Variants in SEMA6D observed in about 807,000 individuals in gnomAD.
SEMA6D encodes semaphorin 6D, also known as semaphorin-6D.
SEMA6D carries 35 observed loss-of-function variants against 106.6 expected under a neutral mutation model. That is an observed-to-expected ratio of 0.33 (90% CI 0.25 to 0.44). The LOEUF is 0.44. Among genes scored for constraint, SEMA6D ranks in the 20% least tolerant of loss-of-function variants. The probability of loss-of-function intolerance (pLI) is 1.00; values close to 1 mark genes in which losing one functional copy is unlikely to be tolerated. For synonymous variants in SEMA6D, 499 were observed against 487.7 expected (o/e 1.02, Z -0.31); for missense variants, 1,185 against 1,345.9 (o/e 0.88, Z 1.87).
rs1567031280 is a variant in SEMA6D at position 47,367,722 on chromosome 15, AC to A, written c.-238-44670del. Among the ~76,000 whole-genome samples the A allele has an allele frequency of 6.2e-3, 206 of 33,096 alleles. 1 individual carries two copies. Among genetic ancestry groups the A allele is most frequent in the Middle Eastern group, 0.061 (4 of 66 alleles). 21.7% of individuals were successfully genotyped at this position (33,096 alleles called of 152,430 possible). On this transcript the variant is annotated intron_variant, in intron 1 of 19. Transcript: ENST00000558014. The stretch of plus-strand genomic sequence containing the variant: ...CACACACACACACACACACACACAC[AC>A]ACACAGAGAGAGAGAAAGAGAGAGA...
At chr15:47,582,330 T>A (rs538227261) in intron 3 of SEMA6D, among the ~76,000 whole-genome samples, 3 of 152,160 alleles carry the variant, frequency 2.0e-5, no homozygotes, top group Non-Finnish European at 4.4e-5. Flanking sequence ...ACACCATGAG[T>A]CCCACAACTG....
intron 4 of SEMA6D, among the ~76,000 whole-genome samples, chr15:47,671,265 G>C (rs1280398992): frequency 1.3e-5 from 2 of 152,144 alleles, no homozygotes; most frequent in African/African-American, 4.8e-5. Flanking sequence ...GGGTTTCCAA[G>C]AGAGCTGTCA....
chr15:47,448,685 G>C (rs2042098983), intron 2 of SEMA6D, among the ~76,000 whole-genome samples: 1 of 152,096 alleles, frequency 6.6e-6, no homozygotes, highest in African/African-American at 2.4e-5. Flanking sequence ...AATCAAATGG[G>C]GTTGAAGTAA....
At chr15:47,647,270 G>A (rs1020405348) in intron 4 of SEMA6D, among the ~76,000 whole-genome samples, 3 of 152,268 alleles carry the variant, frequency 2.0e-5, no homozygotes, top group East Asian at 1.9e-4. Context: ...ATTTAATAGC[G>A]TGTCAACAAG....
chr15:47,288,072 A>G (rs2035448144), intron 1 of SEMA6D, among the ~76,000 whole-genome samples: 1 of 152,174 alleles, frequency 6.6e-6, no homozygotes, highest in Non-Finnish European at 1.5e-5. Flanking sequence ...TCAGAGGGAG[A>G]GTTCAGTTTA....
rs142546206 is a variant in SEMA6D at position 47,559,770 on chromosome 15, C to T, written c.-86-41095C>T. On this transcript the variant is annotated intron_variant, in intron 3 of 19. Transcript: ENST00000558014. Reference sequence around the variant, plus strand: ...GGTCAATGGAGAATGCACACATTCTCAGAGGCAATAGAAGACAGCCTGGAA... The same window carrying T: ...GGTCAATGGAGAATGCACACATTCTTAGAGGCAATAGAAGACAGCCTGGAA... Among the ~76,000 whole-genome samples the T allele has an allele frequency of 1.7e-3, 261 of 152,166 alleles. 2 individuals carry two copies. Among genetic ancestry groups the T allele is most frequent in the South Asian group, 5.2e-3 (25 of 4,816 alleles).
chr15:47,360,301 G>A (rs545881065), intron 1 of SEMA6D, among the ~76,000 whole-genome samples: 2 of 152,290 alleles, frequency 1.3e-5, no homozygotes, highest in South Asian at 4.1e-4. Context: ...AGTGAATGTT[G>A]AGCCTGCATA....
At chr15:47,362,046 A>C (rs371195655) in intron 1 of SEMA6D, among the ~76,000 whole-genome samples, 1 of 152,356 alleles carries the variant, frequency 6.6e-6, no homozygotes, top group Non-Finnish European at 1.5e-5. Context: ...ATTACAAAAC[A>C]TTGATTTCTG....
chr15:47,307,436 C>G (rs145313152), intron 1 of SEMA6D, among the ~76,000 whole-genome samples: 1 of 152,258 alleles, frequency 6.6e-6, no homozygotes, highest in East Asian at 1.9e-4. Flanking sequence ...GGTGGTAATT[C>G]TCAGATTTTT....
At chr15:47,199,919 A>G (rs578055081) in intron 1 of SEMA6D, among the ~76,000 whole-genome samples, 81 of 152,268 alleles carry the variant, frequency 5.3e-4, no homozygotes, top group African/African-American at 1.8e-3. Flanking sequence ...AGTTCTCATT[A>G]TGAAAGTTAC....
At chr15:47,755,772 C>T (rs1187884980) in intron 1 of SEMA6D, among the ~76,000 whole-genome samples, 1 of 151,088 alleles carries the variant, frequency 6.6e-6, no homozygotes, top group East Asian at 1.9e-4. Flanking sequence ...TATAGCTATA[C>T]TCTCATTTTT....
intron 1 of SEMA6D, among the ~76,000 whole-genome samples, chr15:47,727,097 GGACTAAACAT>G (rs1426993721): frequency 1.3e-5 from 2 of 152,150 alleles, no homozygotes; most frequent in Non-Finnish European, 2.9e-5. Flanking sequence ...TACTGTTGAA[GGACTAAACAT>G]GGATAATTAG....
intron 4 of SEMA6D, among the ~76,000 whole-genome samples, chr15:47,658,385 G>A (rs2077847275): frequency 6.6e-6 from 1 of 152,010 alleles, no homozygotes; most frequent in African/African-American, 2.4e-5. Context: ...TATGGTAAGG[G>A]ATTTTTCAGC....
intron 1 of SEMA6D, among the ~76,000 whole-genome samples, chr15:47,295,667 A>G (rs2035775144): frequency 6.6e-6 from 1 of 152,248 alleles, no homozygotes; most frequent in Non-Finnish European, 1.5e-5. Context: ...ATGTTCTCTT[A>G]TGGTAATGTG....
intron 1 of SEMA6D, among the ~76,000 whole-genome samples, chr15:47,206,298 A>T (rs961709690): frequency 1.3e-5 from 2 of 152,186 alleles, no homozygotes; most frequent in African/African-American, 4.8e-5. Context: ...TTGGCAGCAC[A>T]ATATAATGAA....
At chr15:47,453,387 C>A (rs2042249833) in intron 2 of SEMA6D, among the ~76,000 whole-genome samples, 2 of 151,794 alleles carry the variant, frequency 1.3e-5, no homozygotes, top group South Asian at 4.2e-4. Flanking sequence ...CAATGCTAAA[C>A]CTCACATAGA....
chr15:47,437,513 A>G (rs1264442314), intron 2 of SEMA6D, among the ~76,000 whole-genome samples: 2 of 152,098 alleles, frequency 1.3e-5, no homozygotes, highest in South Asian at 2.1e-4. Context: ...CATAATATTA[A>G]TCCTTTTCCT....
intron 1 of SEMA6D, 156 bp from the exon 2 acceptor site, chr15:47,759,589 G>A (rs960067196): frequency 1.7e-6 from 1 of 577,912 alleles, no homozygotes; most frequent in Non-Finnish European, 3.1e-6. Context: ...GCCATCTTTT[G>A]CCTGTGTTTT....
At chr15:47,650,043 A>C (rs904033541) in intron 4 of SEMA6D, among the ~76,000 whole-genome samples, 16 of 152,208 alleles carry the variant, frequency 1.1e-4, no homozygotes, top group Admixed American at 1.0e-3. Context: ...CCACCTCTGC[A>C]TAGACAACAT....
Sources: gnomAD v4.1 joint callset for allele counts (sites outside exome capture counted in the v4.1 genomes callset) on GRCh38, gnomAD v4.1.1 for gene constraint, MANE v1.5 for transcripts, NCBI Gene and HGNC (gene_info 2026-07-23, HGNC 2026-07-21) for gene names.